The following ERC2 variants were observed in gnomAD, a reference collection of about 807,000 sequenced individuals.
ERC2 encodes the protein ELKS/RAB6-interacting/CAST family member 2, also known as ERC protein 2.
A neutral mutation model predicts 114.8 loss-of-function variants in ERC2; 42 were observed. The ratio of observed to expected loss-of-function variants is 0.37; its 90% CI spans 0.29 to 0.47. The LOEUF (loss-of-function observed/expected upper bound fraction) is 0.47, where lower values mean the gene tolerates loss of function less well. ERC2 is among the 20% of genes least tolerant of loss of function. The probability of loss-of-function intolerance (pLI) is 0.99; values close to 1 mark genes in which losing one functional copy is unlikely to be tolerated. For missense variants in ERC2, 939 were observed against 1,150.7 expected (o/e 0.82, Z 2.66); for synonymous variants, 454 against 425.5 (o/e 1.07, Z -0.82).
intron 16 of ERC2, among the ~76,000 whole-genome samples, chr3:55,684,669 G>A (rs897569744): frequency 3.3e-5 from 5 of 152,132 alleles, no homozygotes; most frequent in Non-Finnish European, 4.4e-5. Context: ...AAAGTGTTTC[G>A]AAAATAGCTC....
At chr3:56,286,247 C>G (rs1305246733) in intron 3 of ERC2, among the ~76,000 whole-genome samples, 1 of 151,866 alleles carries the variant, frequency 6.6e-6, no homozygotes, top group Non-Finnish European at 1.5e-5. Flanking sequence ...AACCTCGTCT[C>G]TACCAAAAAT....
intron 3 of ERC2, among the ~76,000 whole-genome samples, chr3:56,206,640 AC>A (rs2048755849): frequency 6.6e-6 from 1 of 152,224 alleles, no homozygotes; most frequent in South Asian, 2.1e-4. Flanking sequence ...TTTGCTGAAT[AC>A]AAAAAATACT....
rs146737683 is a variant in ERC2 at position 55,782,896 on chromosome 3, T to C, written c.2565-47978A>G. Among the ~76,000 whole-genome samples the C allele has an allele frequency of 1.2e-3, 179 of 152,320 alleles. 1 individual carries two copies. The highest frequency in any genetic ancestry group is 3.9e-3 in the African/African-American group (164 of 41,582). ...TATTTGACAAATAAATGTGTAGGTT[T>C]TATTATCACAGTGAATATTTGCAAT... On this transcript the variant is annotated intron_variant, in intron 14 of 17. Coordinates refer to ENST00000288221, the MANE Select transcript of ERC2 (RefSeq NM_015576.3).
chr3:56,394,732 T>C (rs1459467255), intron 2 of ERC2, among the ~76,000 whole-genome samples: 1 of 152,206 alleles, frequency 6.6e-6, no homozygotes, highest in African/African-American at 2.4e-5. Flanking sequence ...ATGGCAAGGA[T>C]GCTGAAAAAC....
chr3:56,391,945 CA>C (rs1464876746), intron 2 of ERC2, among the ~76,000 whole-genome samples: 2 of 152,106 alleles, frequency 1.3e-5, no homozygotes, highest in Non-Finnish European at 2.9e-5. Flanking sequence ...CCATGCTATT[CA>C]ATTTTAAGTC....
intron 7 of ERC2, among the ~76,000 whole-genome samples, chr3:56,019,264 G>A (rs1169299115): frequency 2.0e-5 from 3 of 152,006 alleles, no homozygotes; most frequent in Admixed American, 6.6e-5. Context: ...TCCATACAAC[G>A]GTAAGCCCTT....
Position 56,327,087 on chromosome 3 carries a change from G to A in ERC2, c.658-30652C>T, listed in dbSNP as rs1206747634. On this transcript the variant is annotated intron_variant, in intron 2 of 17. Transcript: ENST00000288221. ...GCTGACCAGTTACAACATGGTCCCA[G>A]CCAAAATATCCCCTTTGAAGACCAA... Among the ~76,000 whole-genome samples the A allele has an allele frequency of 8.5e-5, 13 of 152,162 alleles. No individual in the cohort carries two copies. In the East Asian group the frequency reaches 2.5e-3, roughly 29 times the overall value.
chr3:55,733,283 T>G (rs1461856949), intron 15 of ERC2, among the ~76,000 whole-genome samples: 2 of 152,030 alleles, frequency 1.3e-5, no homozygotes, highest in South Asian at 4.1e-4. Context: ...GTAAGCAATC[T>G]CTGACCCCTG....
chr3:55,976,455 T>A (rs898059148), intron 12 of ERC2, among the ~76,000 whole-genome samples: 1 of 152,176 alleles, frequency 6.6e-6, no homozygotes, highest in Non-Finnish European at 1.5e-5. Flanking sequence ...TACGCATAAT[T>A]TCTACCTCCT....
At chr3:55,776,933 G>A (rs551555207) in intron 14 of ERC2, among the ~76,000 whole-genome samples, 1 of 152,204 alleles carries the variant, frequency 6.6e-6, no homozygotes, top group African/African-American at 2.4e-5. Flanking sequence ...TGCTCCTGCT[G>A]GAAAAAACAC....
intron 6 of ERC2, among the ~76,000 whole-genome samples, chr3:56,108,864 C>T (rs2078808193): frequency 6.6e-6 from 1 of 152,038 alleles, no homozygotes; most frequent in African/African-American, 2.4e-5. Context: ...GGCTGACATA[C>T]AGTCCCCAAA....
intron 12 of ERC2, among the ~76,000 whole-genome samples, chr3:55,978,490 A>T (rs2149497361): frequency 6.6e-6 from 1 of 152,330 alleles, no homozygotes; most frequent in Middle Eastern, 3.4e-3. Context: ...TTACAACTAG[A>T]AAAGCAACGG....
chr3:56,121,215 C>T (rs978997953), intron 6 of ERC2, among the ~76,000 whole-genome samples: 1 of 151,936 alleles, frequency 6.6e-6, no homozygotes. Flanking sequence ...ATCTGTATGT[C>T]TGTATGTATG....
chr3:55,563,319 G>A (rs1325920649), intron 17 of ERC2, among the ~76,000 whole-genome samples: 2 of 150,532 alleles, frequency 1.3e-5, no homozygotes, highest in Non-Finnish European at 1.5e-5. Flanking sequence ...TGCATCCTGA[G>A]TGTCTTTCCT....
intron 17 of ERC2, among the ~76,000 whole-genome samples, chr3:55,673,646 T>C (rs17055696): frequency 6.6e-6 from 1 of 152,060 alleles, no homozygotes; most frequent in Non-Finnish European, 1.5e-5. Flanking sequence ...ATTTTTATCA[T>C]GCTCCCAAGC....
At chr3:56,258,717 T>G (rs187245756) in intron 3 of ERC2, among the ~76,000 whole-genome samples, 1 of 152,184 alleles carries the variant, frequency 6.6e-6, no homozygotes, top group Admixed American at 6.5e-5. Context: ...CTGGCTGGAT[T>G]TGGCCCATGG....
intron 3 of ERC2, among the ~76,000 whole-genome samples, chr3:56,269,769 C>A (rs746776043): frequency 1.3e-5 from 2 of 152,084 alleles, no homozygotes; most frequent in African/African-American, 2.4e-5. Context: ...CTGCTCAGAA[C>A]GGTCTATGTG....
intron 14 of ERC2, among the ~76,000 whole-genome samples, chr3:55,742,445 G>GTTCTTGTT (rs1241063178): frequency 6.6e-6 from 1 of 152,298 alleles, no homozygotes. Flanking sequence ...TTTCTTGTGG[G>GTTCTTGTT]TTCTTGTTTT....
At chr3:55,546,782 A>G (rs2054783665) in intron 17 of ERC2, among the ~76,000 whole-genome samples, 1 of 152,194 alleles carries the variant, frequency 6.6e-6, no homozygotes, top group Admixed American at 6.5e-5. Flanking sequence ...CCTCTCCGGT[A>G]CCAGAGAGCT....
Sources: allele counts gnomAD v4.1 joint callset (sites outside exome capture counted in the v4.1 genomes callset), GRCh38; gene constraint gnomAD v4.1.1; transcripts MANE v1.5; gene names NCBI Gene and HGNC (gene_info 2026-07-23, HGNC 2026-07-21).